RCAN2: variants seen among roughly 807,000 people sequenced by gnomAD.
RCAN2 encodes the protein regulator of calcineurin 2, also known as calcipressin-2.
RCAN2 carries 9 observed loss-of-function variants against 23.6 expected under a neutral mutation model. The observed-to-expected ratio is 0.38, with a 90% confidence interval of 0.23 to 0.67. The LOEUF is 0.67. Among genes scored for constraint, RCAN2 ranks in the 30% least tolerant of loss-of-function variants. RCAN2 has a pLI of 0.51. For synonymous variants in RCAN2, 109 were observed against 115.7 expected, an observed-to-expected ratio of 0.94 and a Z score of 0.37; for missense variants, 273 against 302.3, an observed-to-expected ratio of 0.90 and a Z score of 0.72.
chr6:46,285,441 GT>G (rs1762342621), intron 2 of RCAN2, among the ~76,000 whole-genome samples: 1 of 152,190 alleles, frequency 6.6e-6, no homozygotes, highest in Admixed American at 6.5e-5. Context: ...CTGGAGAGCT[GT>G]TAGCAATGGC....
chr6:46,431,012 A>G (rs892832644), intron 2 of RCAN2, among the ~76,000 whole-genome samples: 1 of 152,198 alleles, frequency 6.6e-6, no homozygotes, highest in Non-Finnish European at 1.5e-5. Flanking sequence ...GAATGAAGAC[A>G]GAAGCAGAAT....
intron 1 of RCAN2, among the ~76,000 whole-genome samples, chr6:46,490,037 C>A (rs1209850793): frequency 6.6e-6 from 1 of 152,150 alleles, no homozygotes; most frequent in Non-Finnish European, 1.5e-5. Context: ...AATGCAGAGG[C>A]CGGTTAGCAA....
At chr6:46,478,959 G>C (rs888031254) in intron 1 of RCAN2, among the ~76,000 whole-genome samples, 2 of 152,194 alleles carry the variant, frequency 1.3e-5, no homozygotes, top group African/African-American at 4.8e-5. Context: ...ATCAGAATCA[G>C]GACAAAGGAC....
intron 2 of RCAN2, among the ~76,000 whole-genome samples, chr6:46,263,513 A>ATGTGTG (rs1267211253): frequency 2.7e-3 from 154 of 56,294 alleles, no homozygotes; most frequent in Non-Finnish European, 4.0e-3. Flanking sequence ...ATGTGTGTGT[A>ATGTGTG]TGTGTGTATG....
At chr6:46,480,648 G>A (rs917352584) in intron 1 of RCAN2, among the ~76,000 whole-genome samples, 2 of 150,064 alleles carry the variant, frequency 1.3e-5, no homozygotes, top group African/African-American at 2.4e-5. Context: ...TTTTTGAGAC[G>A]GAGTCTTCGA....
chr6:46,399,903 T>G (rs1008826417), intron 2 of RCAN2, among the ~76,000 whole-genome samples: 1 of 152,202 alleles, frequency 6.6e-6, no homozygotes, highest in African/African-American at 2.4e-5. Flanking sequence ...GATGGACATA[T>G]CTTCTGTTGG....
chr6:46,372,479 A>G (rs1170023406), intron 2 of RCAN2, among the ~76,000 whole-genome samples: 2 of 152,204 alleles, frequency 1.3e-5, no homozygotes, highest in Non-Finnish European at 2.9e-5. Context: ...ACAGTCCCCA[A>G]ACTAAGAGTT....
chr6:46,468,496 A>T (rs1439715839), intron 1 of RCAN2, among the ~76,000 whole-genome samples: 2 of 152,148 alleles, frequency 1.3e-5, no homozygotes, highest in South Asian at 2.1e-4. Context: ...AGCCGCGCCA[A>T]CGCCAGCAAA....
intron 2 of RCAN2, among the ~76,000 whole-genome samples, chr6:46,429,530 A>C (rs1435532058): frequency 1.3e-5 from 2 of 152,184 alleles, no homozygotes; most frequent in Non-Finnish European, 2.9e-5. Context: ...AGAGTTATCA[A>C]CGTTTTAATT....
chr6:46,290,116 G>A (rs546882643), intron 2 of RCAN2, among the ~76,000 whole-genome samples: 1 of 151,984 alleles, frequency 6.6e-6, no homozygotes, highest in South Asian at 2.1e-4. Flanking sequence ...TGGACTGCCA[G>A]CTACCTCTGA....
chr6:46,440,230 G>A (rs1164812812), intron 2 of RCAN2, among the ~76,000 whole-genome samples: 1 of 152,150 alleles, frequency 6.6e-6, no homozygotes, highest in East Asian at 1.9e-4. Flanking sequence ...ACATTTAAGA[G>A]TAAAACTTAA....
intron 2 of RCAN2, among the ~76,000 whole-genome samples, chr6:46,296,443 T>C (rs1392434838): frequency 2.0e-5 from 3 of 152,126 alleles, no homozygotes; most frequent in Non-Finnish European, 4.4e-5. Context: ...AACTGATCCT[T>C]ATTATGCCCT....
chr6:46,418,910 A>T (rs1582186169), intron 2 of RCAN2, among the ~76,000 whole-genome samples: 2 of 151,962 alleles, frequency 1.3e-5, no homozygotes, highest in South Asian at 4.2e-4. Flanking sequence ...CAACATGGTG[A>T]AACCCCGTCT....
chr6:46,433,545 G>A (rs1767277514), intron 2 of RCAN2, among the ~76,000 whole-genome samples: 1 of 152,204 alleles, frequency 6.6e-6, no homozygotes, highest in Admixed American at 6.5e-5. Flanking sequence ...ATTGGAAGCA[G>A]AAGTCAAAGA....
intron 4 of RCAN2, among the ~76,000 whole-genome samples, chr6:46,234,327 G>GCT (rs1766014151): frequency 2.0e-5 from 3 of 152,304 alleles, no homozygotes; most frequent in Admixed American, 2.0e-4. Flanking sequence ...AAAAGAAATA[G>GCT]CTTTGGTCTT....
chr6:46,290,743 T>C (rs900431782), intron 2 of RCAN2, among the ~76,000 whole-genome samples: 1 of 152,238 alleles, frequency 6.6e-6, no homozygotes, highest in African/African-American at 2.4e-5. Context: ...CAAAGATATA[T>C]GACTAAAACC....
chr6:46,263,485 G>A (rs1424366241), intron 2 of RCAN2, among the ~76,000 whole-genome samples: 1 of 144,982 alleles, frequency 6.9e-6, no homozygotes, highest in Non-Finnish European at 1.5e-5. Flanking sequence ...ATGTGTGTGT[G>A]TGTGTGTGTA....
intron 2 of RCAN2, among the ~76,000 whole-genome samples, chr6:46,359,074 C>T (rs929919351): frequency 6.6e-6 from 1 of 152,248 alleles, no homozygotes; most frequent in Admixed American, 6.5e-5. Flanking sequence ...CTGGGCCTCA[C>T]CTGTGGAGGT....
intron 2 of RCAN2, among the ~76,000 whole-genome samples, chr6:46,351,648 A>G (rs1764649470): frequency 6.9e-6 from 1 of 144,780 alleles, no homozygotes; most frequent in Non-Finnish European, 1.5e-5. Context: ...CAGCTCACAG[A>G]CAGGAAAATA....
Sources: allele counts gnomAD v4.1 joint callset (sites outside exome capture counted in the v4.1 genomes callset), GRCh38; gene constraint gnomAD v4.1.1; transcripts MANE v1.5; gene names NCBI Gene and HGNC (gene_info 2026-07-23, HGNC 2026-07-21).